ABCB1: variants seen among roughly 807,000 people sequenced by gnomAD.
The protein encoded by ABCB1 is ATP binding cassette subfamily B member 1.
A neutral mutation model predicts 142.0 loss-of-function variants in ABCB1; 69 were observed. That is an observed-to-expected ratio of 0.49 (90% confidence interval 0.40 to 0.59). The LOEUF is 0.59. Ranked by LOEUF, ABCB1 falls within the 20% of genes least tolerant of loss-of-function variation. ABCB1 has a pLI of 0.00. For synonymous variants in ABCB1, 532 were observed against 539.2 expected, an observed-to-expected ratio of 0.99 and a Z score of 0.18; for missense variants, 1,326 against 1,554.7, an observed-to-expected ratio of 0.85 and a Z score of 2.47.
chr7:87,517,485 C>T (rs774973743), intron 23 of ABCB1, among the ~76,000 whole-genome samples: 1 of 152,132 alleles, frequency 6.6e-6, no homozygotes, highest in African/African-American at 2.4e-5. Context: ...ACACAATCCA[C>T]TACAGACACA....
intron 3 of ABCB1, among the ~76,000 whole-genome samples, chr7:87,588,754 T>A (rs949811394): frequency 6.6e-6 from 1 of 152,254 alleles, no homozygotes; most frequent in Non-Finnish European, 1.5e-5. Context: ...CCACACTGTC[T>A]TCCACAATGG....
At chr7:87,578,140 A>G (rs1046303623) in intron 4 of ABCB1, among the ~76,000 whole-genome samples, 2 of 152,138 alleles carry the variant, frequency 1.3e-5, no homozygotes, top group Non-Finnish European at 2.9e-5. Flanking sequence ...ATGCATATGG[A>G]TATCCAGTTC....
intron 8 of ABCB1, among the ~76,000 whole-genome samples, chr7:87,560,442 C>CTGTGTGTTCTGCCCTGCTG (rs1261742607): frequency 8.5e-5 from 13 of 152,148 alleles, no homozygotes; most frequent in Non-Finnish European, 1.5e-4. Context: ...ACTGCCAGAA[C>CTGTGTGTTCTGCCCTGCTG]CACAGAATCC....
intron 1 of ABCB1, among the ~76,000 whole-genome samples, chr7:87,687,703 C>T (rs906416622): frequency 6.6e-6 from 1 of 152,034 alleles, no homozygotes; most frequent in African/African-American, 2.4e-5. Flanking sequence ...ACTCTTAAAA[C>T]GAGTTAGAAC....
intron 1 of ABCB1, among the ~76,000 whole-genome samples, chr7:87,619,575 G>A (rs1378712054): frequency 6.6e-6 from 1 of 150,400 alleles, no homozygotes; most frequent in Non-Finnish European, 1.5e-5. Context: ...ACAAATATCT[G>A]AATGATAACC....
chr7:87,554,889 AT>A (rs1158192409), intron 8 of ABCB1, among the ~76,000 whole-genome samples: 1 of 152,242 alleles, frequency 6.6e-6, no homozygotes, highest in Non-Finnish European at 1.5e-5. Context: ...TAGAGCAAAT[AT>A]AGGAAATTGT....
chr7:87,581,094 A>G (rs1248601763), intron 4 of ABCB1, among the ~76,000 whole-genome samples: 1 of 151,080 alleles, frequency 6.6e-6, no homozygotes, highest in Non-Finnish European at 1.5e-5. Context: ...ATCTTGTTCC[A>G]CCTCCTCCTT....
intron 1 of ABCB1, among the ~76,000 whole-genome samples, chr7:87,609,549 A>T (rs1819778185): frequency 6.6e-6 from 1 of 152,196 alleles, no homozygotes; most frequent in South Asian, 2.1e-4. Context: ...TCATATTGAC[A>T]GGAGGATTCT....
At chr7:87,543,626 A>T (rs1712715267) in intron 17 of ABCB1, among the ~76,000 whole-genome samples, 1 of 152,196 alleles carries the variant, frequency 6.6e-6, no homozygotes, top group South Asian at 2.1e-4. Flanking sequence ...AACACATGTC[A>T]ACCTCAATCT....
At chr7:87,707,160 A>G (rs1829671028) in intron 1 of ABCB1, among the ~76,000 whole-genome samples, 1 of 152,124 alleles carries the variant, frequency 6.6e-6, no homozygotes, top group Non-Finnish European at 1.5e-5. Flanking sequence ...GTTGCTATAA[A>G]TTTTCATACA....
intron 1 of ABCB1, among the ~76,000 whole-genome samples, chr7:87,649,338 C>T (rs1483090518): frequency 1.3e-5 from 2 of 152,100 alleles, no homozygotes; most frequent in South Asian, 2.1e-4. Flanking sequence ...CTGGGTACAA[C>T]GTTCAAAGCA....
intron 1 of ABCB1, among the ~76,000 whole-genome samples, chr7:87,686,360 A>G (rs1827454339): frequency 1.3e-5 from 2 of 152,208 alleles, no homozygotes; most frequent in African/African-American, 4.8e-5. Flanking sequence ...TATATTAACG[A>G]GCATGGTGTA....
chr7:87,614,154 G>A (rs1166802370), intron 1 of ABCB1, among the ~76,000 whole-genome samples: 1 of 152,002 alleles, frequency 6.6e-6, no homozygotes, highest in Non-Finnish European at 1.5e-5. Context: ...CCAGTGCTTT[G>A]AGAGGCCAAA....
intron 1 of ABCB1, among the ~76,000 whole-genome samples, chr7:87,703,727 A>G (rs983217585): frequency 6.6e-6 from 1 of 151,702 alleles, no homozygotes; most frequent in Non-Finnish European, 1.5e-5. Context: ...ATATTAACAG[A>G]TGTCTTTTTT....
At chr7:87,592,150 G>T (rs752440349) in intron 3 of ABCB1, among the ~76,000 whole-genome samples, 4 of 152,212 alleles carry the variant, frequency 2.6e-5, no homozygotes, top group Non-Finnish European at 5.9e-5. Flanking sequence ...GCTGGCAGGG[G>T]TGGCTCCATG....
chr7:87,668,425 A>G (rs1825487492), intron 1 of ABCB1, among the ~76,000 whole-genome samples: 1 of 151,904 alleles, frequency 6.6e-6, no homozygotes. Flanking sequence ...AGTTTTTTCA[A>G]AACAACAGCC....
intron 1 of ABCB1, among the ~76,000 whole-genome samples, chr7:87,697,968 T>C (rs1563142194): frequency 1.3e-5 from 2 of 152,126 alleles, no homozygotes; most frequent in Non-Finnish European, 2.9e-5. Context: ...AGACAAACTA[T>C]ATTGAGGCAT....
At chr7:87,507,392 G>A (rs28401814) in intron 26 of ABCB1, among the ~76,000 whole-genome samples, 4,685 of 152,306 alleles carry the variant, frequency 0.031, 222 homozygotes, top group African/African-American at 0.11. Context: ...CTCTTAAAAC[G>A]TGGATTGCTG....
intron 8 of ABCB1, among the ~76,000 whole-genome samples, chr7:87,560,640 A>T (rs759976397): frequency 6.6e-6 from 1 of 152,204 alleles, no homozygotes; most frequent in South Asian, 2.1e-4. Context: ...GAAGTGTTAT[A>T]GCATCAGAAT....
Sources: gnomAD v4.1 joint callset for allele counts (sites outside exome capture counted in the v4.1 genomes callset) on GRCh38, gnomAD v4.1.1 for gene constraint, MANE v1.5 for transcripts, NCBI Gene and HGNC (gene_info 2026-07-23, HGNC 2026-07-21) for gene names.